SLC14A2: variants seen among roughly 807,000 people sequenced by gnomAD.
SLC14A2 encodes solute carrier family 14 member 2, also known as urea transporter 2.
In SLC14A2, 91 loss-of-function variants were observed where a neutral mutation model predicts 104.6. That is an observed-to-expected ratio of 0.87 (90% confidence interval 0.73 to 1.04). The LOEUF is 1.04. Ranked by LOEUF, SLC14A2 falls within the 50% of genes least tolerant of loss-of-function variation. SLC14A2 has a pLI of 0.00. For missense variants in SLC14A2, 1,189 were observed against 1,156.0 expected (o/e 1.03, Z -0.41); for synonymous variants, 476 against 466.4 (o/e 1.02, Z -0.27).
At chr18:45,287,982 T>C (rs537706478) in intron 1 of SLC14A2, among the ~76,000 whole-genome samples, 1 of 152,336 alleles carries the variant, frequency 6.6e-6, no homozygotes, top group Admixed American at 6.5e-5. Flanking sequence ...TCCTTTTGTC[T>C]CCTGCCCAGT....
chr18:45,518,849 A>T (rs1044617646), intron 2 of SLC14A2, among the ~76,000 whole-genome samples: 4 of 152,212 alleles, frequency 2.6e-5, no homozygotes, highest in Non-Finnish European at 5.9e-5. Context: ...CCTGGAGAGC[A>T]AAGGCCAGGG....
At chr18:45,208,103 T>G (rs895638061), upstream of SLC14A2, among the ~76,000 whole-genome samples, 2 of 152,132 alleles carry the variant, frequency 1.3e-5, no homozygotes, top group African/African-American at 4.8e-5. Flanking sequence ...TGCAGTTACC[T>G]CTATATGACA....
chr18:45,224,502 G>C (rs1027166286), intron 1 of SLC14A2, among the ~76,000 whole-genome samples: 5 of 152,176 alleles, frequency 3.3e-5, no homozygotes, highest in African/African-American at 7.2e-5. Flanking sequence ...GGCTCTGAGG[G>C]CTGGGTGAAT....
At chr18:45,428,405 TA>T (rs905818882) in intron 1 of SLC14A2, among the ~76,000 whole-genome samples, 6 of 152,184 alleles carry the variant, frequency 3.9e-5, no homozygotes, top group Non-Finnish European at 7.3e-5. Context: ...ACCATAACTT[TA>T]AAAACCTGTT....
intron 10 of SLC14A2, among the ~76,000 whole-genome samples, chr18:45,652,760 T>C (rs1454591871): frequency 2.0e-5 from 3 of 152,156 alleles, no homozygotes; most frequent in Non-Finnish European, 4.4e-5. Flanking sequence ...TATCTAGCTC[T>C]AGTCAAGGGG....
At chr18:45,285,393 A>G (rs1023130488) in intron 1 of SLC14A2, among the ~76,000 whole-genome samples, 2 of 152,192 alleles carry the variant, frequency 1.3e-5, no homozygotes, top group African/African-American at 2.4e-5. Flanking sequence ...GGATTGTTCC[A>G]TCAGTCACTG....
chr18:45,465,293 T>C (rs2087120247), intron 1 of SLC14A2, among the ~76,000 whole-genome samples: 1 of 152,172 alleles, frequency 6.6e-6, no homozygotes, highest in Non-Finnish European at 1.5e-5. Context: ...TGCATATGTG[T>C]GCAGAGGGGA....
chr18:45,204,240 G>A, the SLC14A2 span, among the ~76,000 whole-genome samples: 13 of 152,158 alleles, frequency 8.5e-5, no homozygotes, highest in East Asian at 1.9e-4. Context: ...TGAGGCTCCC[G>A]TCAGGAGAAC....
chr18:45,192,115 G>T, the SLC14A2 span, among the ~76,000 whole-genome samples: 1 of 152,162 alleles, frequency 6.6e-6, no homozygotes, highest in Non-Finnish European at 1.5e-5. Context: ...CTTCCCTGCA[G>T]AGTAGCAACA....
intron 1 of SLC14A2, among the ~76,000 whole-genome samples, chr18:45,293,254 TC>T (rs1317644653): frequency 1.3e-5 from 2 of 152,154 alleles, no homozygotes; most frequent in Non-Finnish European, 2.9e-5. Flanking sequence ...CAGTTTTAAG[TC>T]TGGTGTTATT....
chr18:45,280,134 C>T lies in SLC14A2; in HGVS notation c.-125+66943C>T, dbSNP rs184279539. ...AAACCAGGAAACTGAGGCTCCAAGACGGTAAAAACCTTGTTCCAGAGCACA... is the reference window on the plus strand; with the variant it reads ...AAACCAGGAAACTGAGGCTCCAAGATGGTAAAAACCTTGTTCCAGAGCACA... On this transcript the variant is annotated intron_variant, in intron 1 of 20. Transcript: ENST00000586448. Among the ~76,000 whole-genome samples the T allele has an allele frequency of 1.1e-4, 16 of 152,298 alleles. No homozygotes were observed. The East Asian group carries it at 1.7e-3, about 17-fold the overall frequency.
At chr18:45,354,639 G>A (rs1420381615) in intron 1 of SLC14A2, among the ~76,000 whole-genome samples, 3 of 152,234 alleles carry the variant, frequency 2.0e-5, no homozygotes, top group Non-Finnish European at 4.4e-5. Flanking sequence ...GGTGGGGTCA[G>A]CTTGTATATG....
intron 1 of SLC14A2, among the ~76,000 whole-genome samples, chr18:45,338,140 A>G (rs567552986): frequency 2.3e-4 from 35 of 152,214 alleles, no homozygotes; most frequent in African/African-American, 8.4e-4. Flanking sequence ...GAATCCACCT[A>G]TGACCTGTAA....
In SLC14A2 at chr18:45,584,118, C is replaced by T. The variant is rs975828319; in HGVS notation, c.-34-40513C>T. On this transcript the variant is annotated intron_variant, in intron 2 of 20. Coordinates refer to the SLC14A2 transcript ENST00000586448. ...GAACTTGCTGTATTTGGCTAGTGGC[C>T]GCTGTATTAAAACAGTGCAGGGCTA... 6.6e-5 allele frequency among the ~76,000 whole-genome samples: 10 copies of T among 152,248 alleles called. 1 individual carries two copies. Among genetic ancestry groups the T allele is most frequent in the Admixed American group, 2.0e-4 (3 of 15,290 alleles).
At chr18:45,579,281 G>A (rs563219337) in intron 2 of SLC14A2, among the ~76,000 whole-genome samples, 54 of 152,206 alleles carry the variant, frequency 3.5e-4, no homozygotes, top group Non-Finnish European at 6.5e-4. Flanking sequence ...ATGGAGAATT[G>A]AGACCATTTT....
At chr18:45,450,014 G>A (rs765940727) in intron 1 of SLC14A2, among the ~76,000 whole-genome samples, 76 of 152,278 alleles carry the variant, frequency 5.0e-4, no homozygotes, top group Non-Finnish European at 5.9e-5. Flanking sequence ...TGAACCATCT[G>A]CCTGTCTCAC....
intron 1 of SLC14A2, among the ~76,000 whole-genome samples, chr18:45,425,215 C>T (rs950732746): frequency 9.2e-5 from 14 of 152,196 alleles, no homozygotes; most frequent in Non-Finnish European, 1.8e-4. Flanking sequence ...CATCCAAATG[C>T]TGACCCTCCA....
chr18:45,336,276 G>A (rs1469598717), intron 1 of SLC14A2, among the ~76,000 whole-genome samples: 1 of 152,124 alleles, frequency 6.6e-6, no homozygotes, highest in African/African-American at 2.4e-5. Context: ...ATTTGAACTG[G>A]GAAAATGTCC....
chr18:45,577,042 T>C (rs559530850), intron 2 of SLC14A2, among the ~76,000 whole-genome samples: 38 of 152,224 alleles, frequency 2.5e-4, no homozygotes, highest in African/African-American at 8.9e-4. Flanking sequence ...TGATTAGGCC[T>C]GAAACAGAGA....
Sources: gnomAD v4.1 joint callset for allele counts (sites outside exome capture counted in the v4.1 genomes callset) on GRCh38, gnomAD v4.1.1 for gene constraint, MANE v1.5 for transcripts, NCBI Gene and HGNC (gene_info 2026-07-23, HGNC 2026-07-21) for gene names.